The following RAP1A variants were observed in gnomAD, a reference collection of about 807,000 sequenced individuals.
RAP1A encodes ras-related protein Rap-1A.
RAP1A carries 6 observed loss-of-function variants against 26.4 expected under a neutral mutation model. The ratio of observed to expected loss-of-function variants is 0.23; its 90% confidence interval spans 0.12 to 0.45. The LOEUF is 0.45. Among genes scored for constraint, RAP1A ranks in the 20% least tolerant of loss-of-function variants. RAP1A has a pLI of 0.99. For missense variants in RAP1A, 121 were observed against 217.2 expected (o/e 0.56, Z 2.78); for synonymous variants, 73 against 79.4 (o/e 0.92, Z 0.43).
intron 1 of RAP1A, among the ~76,000 whole-genome samples, chr1:111,572,426 T>A (rs758277964): frequency 6.6e-6 from 1 of 152,248 alleles, no homozygotes; most frequent in Non-Finnish European, 1.5e-5. Context: ...ATCATCTTGT[T>A]CATTTACAGC....
intron 1 of RAP1A, among the ~76,000 whole-genome samples, chr1:111,651,308 A>G (rs1407527258): frequency 6.6e-6 from 1 of 152,068 alleles, no homozygotes; most frequent in Non-Finnish European, 1.5e-5. Flanking sequence ...ATTGATTATA[A>G]TTTTGACTCT....
chr1:111,710,316 G>T (rs1662338255), intron 7 of RAP1A, among the ~76,000 whole-genome samples: 1 of 152,140 alleles, frequency 6.6e-6, no homozygotes, highest in Non-Finnish European at 1.5e-5. Context: ...TGACCCCATT[G>T]GAAAGAAATT....
chr1:111,557,648 A>G (rs1657554778), intron 1 of RAP1A, among the ~76,000 whole-genome samples: 1 of 152,220 alleles, frequency 6.6e-6, no homozygotes, highest in Non-Finnish European at 1.5e-5. Context: ...TCTAATGAAT[A>G]CATTCTGAGA....
intron 1 of RAP1A, among the ~76,000 whole-genome samples, chr1:111,633,000 G>C (rs1329979852): frequency 6.6e-6 from 1 of 150,546 alleles, no homozygotes. Flanking sequence ...GTCACCATTT[G>C]TGGCAGTATA....
chr1:111,660,785 T>TA (rs1660609282), intron 1 of RAP1A, among the ~76,000 whole-genome samples: 1 of 152,212 alleles, frequency 6.6e-6, no homozygotes, highest in African/African-American at 2.4e-5. Context: ...TTTAATATCT[T>TA]ACCTTCTCTT....
At chr1:111,698,425 C>A (rs1661908755) in intron 4 of RAP1A, among the ~76,000 whole-genome samples, 1 of 152,178 alleles carries the variant, frequency 6.6e-6, no homozygotes, top group South Asian at 2.1e-4. Flanking sequence ...CGTACCACCA[C>A]CCCCAGCTAA....
intron 1 of RAP1A, among the ~76,000 whole-genome samples, chr1:111,633,189 T>C (rs1247845595): frequency 6.6e-6 from 1 of 152,206 alleles, no homozygotes; most frequent in African/African-American, 2.4e-5. Context: ...TGGTTCTTGG[T>C]ATCCTCAAAG....
At chr1:111,579,879 G>A (rs1194790762) in intron 1 of RAP1A, among the ~76,000 whole-genome samples, 3 of 151,206 alleles carry the variant, frequency 2.0e-5, no homozygotes, top group Non-Finnish European at 2.9e-5. Context: ...GTGTGATCTC[G>A]GCTCACTGCA....
intron 1 of RAP1A, among the ~76,000 whole-genome samples, chr1:111,602,696 C>T (rs1178553933): frequency 6.6e-6 from 1 of 152,218 alleles, no homozygotes; most frequent in Non-Finnish European, 1.5e-5. Context: ...CAAAGTCCAG[C>T]TGACACAGAG....
At chr1:111,690,265 C>T (rs1661628551) in intron 1 of RAP1A, among the ~76,000 whole-genome samples, 1 of 152,200 alleles carries the variant, frequency 6.6e-6, no homozygotes, top group South Asian at 2.1e-4. Flanking sequence ...AGTTTTTCAA[C>T]AAGGAAGACT....
At chr1:111,595,852 A>G (rs1228401246) in intron 1 of RAP1A, among the ~76,000 whole-genome samples, 2 of 152,210 alleles carry the variant, frequency 1.3e-5, no homozygotes, top group Non-Finnish European at 2.9e-5. Context: ...ATAGTTCCCG[A>G]GCATAGTAAA....
At chr1:111,653,110 C>T (rs1660328872) in intron 1 of RAP1A, among the ~76,000 whole-genome samples, 1 of 152,172 alleles carries the variant, frequency 6.6e-6, no homozygotes, top group Admixed American at 6.5e-5. Context: ...ACAACTTCAA[C>T]ATCGATGAAC....
chr1:111,583,223 T>C (rs2101061899), intron 1 of RAP1A, among the ~76,000 whole-genome samples: 1 of 150,412 alleles, frequency 6.6e-6, no homozygotes, highest in South Asian at 2.1e-4. Flanking sequence ...CTGCTGGACA[T>C]ATGCCCAATT....
At chr1:111,585,693 A>C (rs974057720) in intron 1 of RAP1A, among the ~76,000 whole-genome samples, 1 of 152,208 alleles carries the variant, frequency 6.6e-6, no homozygotes, top group African/African-American at 2.4e-5. Context: ...TCATTTGCTA[A>C]AGGAGGGAAT....
At chr1:111,656,389 A>C (rs1053657318) in intron 1 of RAP1A, among the ~76,000 whole-genome samples, 1 of 152,232 alleles carries the variant, frequency 6.6e-6, no homozygotes, top group Non-Finnish European at 1.5e-5. Context: ...TATAAAAATA[A>C]ATAAGGCAAA....
intron 1 of RAP1A, among the ~76,000 whole-genome samples, chr1:111,572,571 G>A (rs1467969182): frequency 2.0e-5 from 3 of 152,186 alleles, no homozygotes; most frequent in African/African-American, 7.2e-5. Context: ...GGGTGAAGCC[G>A]AAGTTTCACC....
In RAP1A at chr1:111,716,673, T is replaced by A. The variant is rs1662549309; in HGVS notation, c.*4272T>A. 6.6e-6 allele frequency: 1 copy of A among 152,242 alleles called. No individual in the cohort carries two copies. Among genetic ancestry groups the A allele is most frequent in the South Asian group, 2.1e-4 (1 of 4,836 alleles). 9.4% of individuals were successfully genotyped at this position (152,242 alleles called of 1,614,324 possible). ...TGTTCCTCTTGAGGAAAAACCTTAATAAACCTTCCCATTTTAAACAGTGGT... is the reference window on the plus strand; with the variant it reads ...TGTTCCTCTTGAGGAAAAACCTTAAAAAACCTTCCCATTTTAAACAGTGGT... On this transcript the variant is annotated 3_prime_UTR_variant, in exon 8 of 8. Transcript: ENST00000369709.
chr1:111,646,420 T>TAAAAA (rs34766711), intron 1 of RAP1A, among the ~76,000 whole-genome samples: 4 of 107,030 alleles, frequency 3.7e-5, no homozygotes, highest in Non-Finnish European at 5.7e-5. Context: ...TTCCTTTTTG[T>TAAAAA]AAAAAAAAAA....
At chr1:111,621,203 C>T (rs988100356) in intron 1 of RAP1A, among the ~76,000 whole-genome samples, 4 of 152,122 alleles carry the variant, frequency 2.6e-5, no homozygotes, top group African/African-American at 9.7e-5. Flanking sequence ...GCATGAAGGG[C>T]CGTCTCAGAA....
Sources: gnomAD v4.1 joint callset for allele counts (sites outside exome capture counted in the v4.1 genomes callset) on GRCh38, gnomAD v4.1.1 for gene constraint, MANE v1.5 for transcripts, NCBI Gene and HGNC (gene_info 2026-07-23, HGNC 2026-07-21) for gene names.